The following GPATCH1 variants were observed in gnomAD, a reference collection of about 807,000 sequenced individuals.
GPATCH1 encodes G patch domain-containing protein 1.
A neutral mutation model predicts 114.9 loss-of-function variants in GPATCH1; 73 were observed. The ratio of observed to expected loss-of-function variants is 0.64; its 90% CI spans 0.53 to 0.77. The LOEUF is 0.77. GPATCH1 is among the 30% of genes least tolerant of loss of function. The probability of loss-of-function intolerance (pLI) is 0.00; values close to 1 mark genes in which losing one functional copy is unlikely to be tolerated. For synonymous variants in GPATCH1, 391 were observed against 428.4 expected, an observed-to-expected ratio of 0.91 and a Z score of 1.08; for missense variants, 1,058 against 1,144.3, an observed-to-expected ratio of 0.92 and a Z score of 1.09.
At chr19:33,122,655 G>T (rs1972998897) in intron 17 of GPATCH1, among the ~76,000 whole-genome samples, 1 of 152,116 alleles carries the variant, frequency 6.6e-6, no homozygotes, top group Non-Finnish European at 1.5e-5. Context: ...ATCAGCACTT[G>T]AAAGCCAAGT....
intron 5 of GPATCH1, 28 bp from the exon 6 acceptor site, chr19:33,095,734 A>T (rs1972649931): frequency 1.3e-6 from 2 of 1,533,764 alleles, no homozygotes; most frequent in Non-Finnish European, 1.8e-6. Context: ...GTCACTCATG[A>T]CTATTGCATT....
chr19:33,097,671 C>A, intron 7 of GPATCH1, 84 bp from the exon 8 acceptor site: 3 of 1,262,586 alleles, frequency 2.4e-6, no homozygotes, highest in Non-Finnish European at 3.4e-6. Context: ...GGTTTCCAAT[C>A]ACATCCTTAA....
At chr19:33,127,953 G>A (rs1177125827) in intron 19 of GPATCH1, among the ~76,000 whole-genome samples, 1 of 152,010 alleles carries the variant, frequency 6.6e-6, no homozygotes, top group Non-Finnish European at 1.5e-5. Context: ...CCTGACCTCA[G>A]GTGATACACC....
chr19:33,094,425 G>A (rs1464423087), intron 5 of GPATCH1, among the ~76,000 whole-genome samples, 156 bp downstream of exon 5: 6 of 151,790 alleles, frequency 4.0e-5, no homozygotes, highest in Non-Finnish European at 2.9e-5. Context: ...ATCCTTCCAC[G>A]TTAGCCCCGC....
intron 8 of GPATCH1, 94 bp downstream of exon 8, chr19:33,097,996 T>G (rs942630647): frequency 8.5e-7 from 1 of 1,176,558 alleles, no homozygotes; most frequent in African/African-American, 1.5e-5. Context: ...CCAGCCTCTG[T>G]TGTTGGTCAA....
At position 33,126,573 on chromosome 19, in the gene GPATCH1, A is replaced by G; in HGVS notation, c.2620-15A>G. The G allele has an allele frequency of 6.2e-7, 1 of 1,611,276 alleles. No homozygotes were observed. On this transcript the variant is annotated splice_polypyrimidine_tract_variant and intron_variant, in intron 18 of 19. Transcript: ENST00000170564. Reference sequence around the variant, plus strand: ...AATACATTTGTTTTCCCCCACCACTATTTGTTTTTTACAGAAAAAGAAACA... The same window carrying G: ...AATACATTTGTTTTCCCCCACCACTGTTTGTTTTTTACAGAAAAAGAAACA...
chr19:33,103,901 T>C (rs1972754055), intron 9 of GPATCH1, among the ~76,000 whole-genome samples: 1 of 151,790 alleles, frequency 6.6e-6, no homozygotes, highest in South Asian at 2.1e-4. Context: ...TTCTCTGGAG[T>C]AGGGCTTTGG....
At chr19:33,093,604 C>T in intron 4 of GPATCH1, 85 bp downstream of exon 4, 2 of 1,238,376 alleles carry the variant, frequency 1.6e-6, no homozygotes, top group South Asian at 2.8e-5. Context: ...AGTTTGATTG[C>T]AAGTGAGACA....
At chr19:33,116,350 C>G (rs1972915554) in intron 15 of GPATCH1, among the ~76,000 whole-genome samples, 1 of 152,294 alleles carries the variant, frequency 6.6e-6, no homozygotes. Flanking sequence ...CCTTGAAGTT[C>G]CACGTTCCCC....
chr19:33,114,920 G>T (rs576863662), intron 15 of GPATCH1, among the ~76,000 whole-genome samples: 76 of 146,502 alleles, frequency 5.2e-4, no homozygotes, highest in African/African-American at 1.9e-3. Context: ...TGATTCTCCT[G>T]CCTCAGCTTC....
At chr19:33,087,557 G>T (rs1436036690) in intron 1 of GPATCH1, among the ~76,000 whole-genome samples, 1 of 152,110 alleles carries the variant, frequency 6.6e-6, no homozygotes, top group Non-Finnish European at 1.5e-5. Flanking sequence ...ATTCAGGGAT[G>T]GTGTGACGTT....
chr19:33,085,576 G>A (rs1376775995), intron 1 of GPATCH1, among the ~76,000 whole-genome samples: 1 of 152,144 alleles, frequency 6.6e-6, no homozygotes, highest in Admixed American at 6.6e-5. Context: ...TTTGGTCAGG[G>A]AATGAGAGGA....
At chr19:33,120,050 T>C (rs1972961486) in intron 17 of GPATCH1, among the ~76,000 whole-genome samples, 1 of 136,244 alleles carries the variant, frequency 7.3e-6, no homozygotes, top group Non-Finnish European at 1.6e-5. Flanking sequence ...ATATTTTATA[T>C]ATTTATACTT....
chr19:33,106,985 GT>G (rs1389067553), intron 10 of GPATCH1, 86 bp downstream of exon 10: 2 of 1,033,562 alleles, frequency 1.9e-6, no homozygotes, highest in African/African-American at 1.6e-5. Context: ...TCCCACTGAA[GT>G]TTTTTACATG....
At chr19:33,093,127 G>T (rs962500455) in intron 3 of GPATCH1, among the ~76,000 whole-genome samples, 2 of 152,172 alleles carry the variant, frequency 1.3e-5, no homozygotes, top group African/African-American at 2.4e-5. Flanking sequence ...GGCGGAGGTT[G>T]CAGTGAGCCC....
Position 33,109,787 on chromosome 19 carries a change from A to G in GPATCH1, c.1356A>G (p.Ala452=), listed in dbSNP as rs151158125. Residue 452 remains alanine (A), a synonymous_variant, in exon 11 of 20, where the codon GCA becomes GCG. Transcript: ENST00000170564. ...DKERIKEMKQ[A]TDLKAAQLKA... is the part of the protein sequence containing the mutation. The stretch of plus-strand genomic sequence containing the variant: ...AGAGAATCAAAGAAATGAAGCAGGC[A>G]ACTGACCTGAAAGCAGCTCAGCTCA... The G allele has an allele frequency of 9.3e-5, 150 of 1,609,222 alleles. No individual in the cohort carries two copies. The African/African-American group carries it at 1.9e-3, about 20-fold the overall frequency.
At chr19:33,090,102 G>T (rs1262111851) in intron 2 of GPATCH1, among the ~76,000 whole-genome samples, 2 of 152,302 alleles carry the variant, frequency 1.3e-5, no homozygotes, top group East Asian at 3.9e-4. Flanking sequence ...ACAACTTTAT[G>T]TGCAGAGGTT....
rs1972550674 is a variant in GPATCH1, at chr19:33,087,938, T to C, written c.74-196T>C. Reference sequence around the variant, plus strand: ...AGTGGGAAAAGAGGGCAATCATTATTACATAAGCTTATAAAATATATTGTT... The same window carrying C: ...AGTGGGAAAAGAGGGCAATCATTATCACATAAGCTTATAAAATATATTGTT... On this transcript the variant is annotated intron_variant, in intron 1 of 19. Coordinates refer to ENST00000170564, the MANE Select transcript of GPATCH1 (RefSeq NM_018025.3). Among the ~76,000 whole-genome samples, 4 of 152,040 alleles carry C rather than the reference T, an allele frequency of 2.6e-5. No homozygotes were observed. The South Asian group carries it at 6.2e-4, about 24-fold the overall frequency.
intron 15 of GPATCH1, among the ~76,000 whole-genome samples, chr19:33,115,007 C>T (rs1189541523): frequency 6.7e-6 from 1 of 149,392 alleles, no homozygotes; most frequent in East Asian, 2.0e-4. Context: ...GGGGTTTCAC[C>T]ATGTTGGCCA....
Sources: allele counts gnomAD v4.1 joint callset (sites outside exome capture counted in the v4.1 genomes callset), GRCh38; gene constraint gnomAD v4.1.1; transcripts MANE v1.5; gene names NCBI Gene and HGNC (gene_info 2026-07-23, HGNC 2026-07-21).